The following CPNE8 variants were observed in gnomAD, a reference collection of about 807,000 sequenced individuals.
CPNE8 encodes the protein copine 8.
Under a neutral mutation model 81.5 loss-of-function variants are expected in CPNE8, and 45 were observed. The ratio of observed to expected loss-of-function variants is 0.55; its 90% CI spans 0.44 to 0.71. The LOEUF is 0.71. CPNE8 is among the 30% of genes least tolerant of loss of function. The probability of loss-of-function intolerance (pLI) is 0.00; values close to 1 mark genes in which losing one functional copy is unlikely to be tolerated. For missense variants in CPNE8, 594 were observed against 672.1 expected, an observed-to-expected ratio of 0.88 and a Z score of 1.28; for synonymous variants, 252 against 226.3, an observed-to-expected ratio of 1.11 and a Z score of -1.02.
intron 7 of CPNE8, among the ~76,000 whole-genome samples, chr12:38,768,724 T>G (rs1321978654): frequency 6.6e-6 from 1 of 151,986 alleles, no homozygotes; most frequent in Non-Finnish European, 1.5e-5. Context: ...AGACGGGGTT[T>G]CACCGTGTTA....
intron 6 of CPNE8, among the ~76,000 whole-genome samples, chr12:38,782,319 T>A (rs1049178411): frequency 6.6e-6 from 1 of 152,192 alleles, no homozygotes; most frequent in Non-Finnish European, 1.5e-5. Flanking sequence ...TCAATTATGA[T>A]TCTTAATTAA....
intron 6 of CPNE8, among the ~76,000 whole-genome samples, chr12:38,802,233 T>A (rs1592104136): frequency 3.7e-5 from 1 of 27,004 alleles, no homozygotes; most frequent in African/African-American, 6.0e-5. Context: ...CCACACCTAT[T>A]CCAAAATTGA....
intron 15 of CPNE8, among the ~76,000 whole-genome samples, chr12:38,690,905 T>C (rs536852375): frequency 2.0e-5 from 3 of 152,194 alleles, no homozygotes; most frequent in Non-Finnish European, 4.4e-5. Flanking sequence ...CACAACAAAA[T>C]CCCAACAGAT....
intron 3 of CPNE8, among the ~76,000 whole-genome samples, chr12:38,863,704 T>G (rs1298617568): frequency 6.6e-6 from 1 of 152,148 alleles, no homozygotes; most frequent in South Asian, 2.1e-4. Flanking sequence ...AATCATATAA[T>G]TATCTGAATA....
At chr12:38,794,237 G>C (rs552060938) in intron 6 of CPNE8, among the ~76,000 whole-genome samples, 7 of 152,170 alleles carry the variant, frequency 4.6e-5, no homozygotes, top group East Asian at 3.9e-4. Context: ...TGTATCAAAG[G>C]ACATGCTCAA....
chr12:38,882,163 C>T (rs775620132), intron 1 of CPNE8, among the ~76,000 whole-genome samples: 11 of 152,060 alleles, frequency 7.2e-5, no homozygotes, highest in Non-Finnish European at 1.5e-4. Context: ...AGTAGATTAC[C>T]CTGGATTATC....
rs528470612 is a variant in CPNE8, at chr12:38,888,451, C to G, written c.99-13940G>C. On this transcript the variant is annotated intron_variant, in intron 1 of 19. Transcript: ENST00000331366. ...TCTTCCTCCAGATTTTAAGCAATAT[C>G]TTCTGTAATTTCTTTGGACCATTGG... 7.6e-4 allele frequency among the ~76,000 whole-genome samples: 115 copies of G among 152,280 alleles called. 1 individual carries two copies. Among genetic ancestry groups the G allele is most frequent in the African/African-American group, 2.2e-3 (92 of 41,544 alleles).
At chr12:38,762,047 C>T in intron 9 of CPNE8, 65 bp downstream of exon 9, 1 of 780,200 alleles carries the variant, frequency 1.3e-6, no homozygotes, top group Non-Finnish European at 1.9e-6. Flanking sequence ...TATCCCACTT[C>T]CTCAAATCAC....
At chr12:38,785,569 TC>T (rs1315783243) in intron 6 of CPNE8, among the ~76,000 whole-genome samples, 2 of 152,150 alleles carry the variant, frequency 1.3e-5, no homozygotes, top group African/African-American at 4.8e-5. Flanking sequence ...ACATATTCTC[TC>T]CATGTAAAAT....
intron 14 of CPNE8, among the ~76,000 whole-genome samples, chr12:38,695,503 C>T (rs774525583): frequency 6.6e-6 from 1 of 152,132 alleles, no homozygotes; most frequent in Non-Finnish European, 1.5e-5. Flanking sequence ...AGTCTTGACC[C>T]CTTTGCAATG....
At chr12:38,778,570 T>C (rs1049716157) in intron 6 of CPNE8, among the ~76,000 whole-genome samples, 2 of 152,140 alleles carry the variant, frequency 1.3e-5, no homozygotes, top group South Asian at 4.1e-4. Context: ...TATCCCCAAA[T>C]TGGATATGGA....
intron 10 of CPNE8, among the ~76,000 whole-genome samples, chr12:38,753,040 A>G (rs766125207): frequency 9.2e-5 from 14 of 152,312 alleles, no homozygotes; most frequent in Non-Finnish European, 8.8e-5. Context: ...TAAATTAATT[A>G]CTCACTATCT....
intron 1 of CPNE8, among the ~76,000 whole-genome samples, chr12:38,901,951 T>G (rs1224567017): frequency 1.3e-5 from 2 of 152,136 alleles, no homozygotes; most frequent in Admixed American, 6.5e-5. Flanking sequence ...GAACTTCTTT[T>G]GCATTTCTCA....
intron 16 of CPNE8, among the ~76,000 whole-genome samples, chr12:38,680,426 C>G (rs1207372474): frequency 6.6e-6 from 1 of 152,044 alleles, no homozygotes; most frequent in Non-Finnish European, 1.5e-5. Context: ...TCACCCCAAA[C>G]TACTTTTGAC....
intron 4 of CPNE8, among the ~76,000 whole-genome samples, chr12:38,842,032 CAAA>C (rs55757005): frequency 5.3e-5 from 7 of 131,588 alleles, no homozygotes; most frequent in Non-Finnish European, 8.1e-5. Flanking sequence ...TTTACAATAG[CAAA>C]AAAAAAAAAA....
At chr12:38,709,874 C>T (rs867032516) in intron 13 of CPNE8, among the ~76,000 whole-genome samples, 1 of 152,208 alleles carries the variant, frequency 6.6e-6, no homozygotes, top group African/African-American at 2.4e-5. Context: ...CAAAATTCTA[C>T]TGCATGAAGT....
chr12:38,689,460 G>A (rs571778795), intron 15 of CPNE8, among the ~76,000 whole-genome samples: 5 of 152,260 alleles, frequency 3.3e-5, no homozygotes, highest in Admixed American at 1.3e-4. Context: ...AGCTCTTAGG[G>A]GCTGTTGCTC....
At chr12:38,687,140 T>C (rs571124346) in intron 15 of CPNE8, among the ~76,000 whole-genome samples, 6 of 152,320 alleles carry the variant, frequency 3.9e-5, no homozygotes, top group African/African-American at 9.6e-5. Flanking sequence ...TATTGAATTC[T>C]ATATACCAAG....
At chr12:38,834,493 A>G (rs1267024798) in intron 5 of CPNE8, among the ~76,000 whole-genome samples, 1 of 152,118 alleles carries the variant, frequency 6.6e-6, no homozygotes, top group African/African-American at 2.4e-5. Context: ...TGGACATCCA[A>G]TTCATCATCA....
Sources: allele counts gnomAD v4.1 joint callset (sites outside exome capture counted in the v4.1 genomes callset), GRCh38; gene constraint gnomAD v4.1.1; transcripts MANE v1.5; gene names NCBI Gene and HGNC (gene_info 2026-07-23, HGNC 2026-07-21).